NRIP1: variants seen among roughly 807,000 people sequenced by gnomAD.
NRIP1 encodes the protein nuclear receptor-interacting protein 1.
NRIP1 carries 28 observed loss-of-function variants against 75.0 expected under a neutral mutation model. The ratio of observed to expected loss-of-function variants is 0.37; its 90% CI spans 0.28 to 0.51. The LOEUF is 0.51. NRIP1 is among the 20% of genes least tolerant of loss of function. The pLI, the probability that NRIP1 is intolerant of heterozygous loss-of-function variation, is 0.92. For synonymous variants in NRIP1, 526 were observed against 487.6 expected (o/e 1.08, Z -1.04); for missense variants, 1,435 against 1,343.7 (o/e 1.07, Z -1.06).
chr21:15,048,334 G>A (rs1042463000), intron 1 of NRIP1, among the ~76,000 whole-genome samples: 7 of 152,148 alleles, frequency 4.6e-5, no homozygotes, highest in Non-Finnish European at 1.0e-4. Flanking sequence ...TCAAAGAGCA[G>A]TAAAGTGAAG....
rs1440645632 is a variant in NRIP1 at position 14,964,877 on chromosome 21, C to A, written c.3316G>T (p.Glu1106Ter). Residue 1106 changes from glutamate (E) to a stop codon, truncating the protein, a stop_gained, in exon 4 of 4, where the codon GAA becomes TAA. Coordinates refer to ENST00000318948, the MANE Select transcript of NRIP1 (RefSeq NM_003489.4). LOFTEE classifies it high-confidence loss of function. ...GTTTCTGCAGTAGGAAGTAACTCTT[C>A]TTTGGCTGTGACCTGTGAGACACTT... Reference protein sequence around the residue: ...AESVSQVTAKEELLPTAETKA... With the variant: ...AESVSQVTAK The A allele has an allele frequency of 6.2e-7, 1 of 1,613,288 alleles. No homozygotes were observed. Among genetic ancestry groups the A allele is most frequent in the Non-Finnish European group, 8.5e-7 (1 of 1,179,710 alleles).
rs1335186935 is a variant in NRIP1, at chr21:15,037,543, T to C, written c.-458+5952A>G. Among the ~76,000 whole-genome samples, 2 of 152,162 alleles carry C rather than the reference T, an allele frequency of 1.3e-5. 1 individual carries two copies. Among genetic ancestry groups the C allele is most frequent in the Non-Finnish European group, 2.9e-5 (2 of 68,008 alleles). ...GAAACGCTATGAAAAATAAAGGCAG[T>C]GTGAATGGCATTCATCAACCACTAG... On this transcript the variant is annotated intron_variant, in intron 2 of 3. Coordinates refer to ENST00000318948, the MANE Select transcript of NRIP1 (RefSeq NM_003489.4).
chr21:15,040,883 C>G (rs2088937582), intron 2 of NRIP1, among the ~76,000 whole-genome samples: 1 of 151,940 alleles, frequency 6.6e-6, no homozygotes, highest in Non-Finnish European at 1.5e-5. Flanking sequence ...ATTATAAAAC[C>G]TACCATTAAC....
At chr21:15,061,238 C>T (rs1387269204) in intron 1 of NRIP1, among the ~76,000 whole-genome samples, 2 of 152,210 alleles carry the variant, frequency 1.3e-5, no homozygotes, top group East Asian at 1.9e-4. Flanking sequence ...TTTGCTAGAA[C>T]GGCAAATGCT....
intron 3 of NRIP1, among the ~76,000 whole-genome samples, chr21:15,004,853 A>G (rs2087927914): frequency 6.6e-6 from 1 of 152,232 alleles, no homozygotes; most frequent in African/African-American, 2.4e-5. Context: ...AAAGTGAGGA[A>G]GAGAGAAGGT....
Position 14,966,823 on chromosome 21 carries a change from G to A in NRIP1, c.1370C>T (p.Pro457Leu), listed in dbSNP as rs747047446. The A allele has an allele frequency of 6.2e-7, 1 of 1,614,122 alleles. No homozygotes were observed. Among genetic ancestry groups the A allele is most frequent in the South Asian group, 1.1e-5 (1 of 91,084 alleles). ...TTGAGTGAAGTTATCCAGGGAAACA[G>A]GTTGGTCAGATTCTGATTTTTCAGT... ...HRTEKSESDQ[P>L]VSLDNFTQSL... is the part of the protein sequence containing the mutation. The change falls in exon 4 of 4, where the codon CCT becomes CTT. Residue 457 changes from proline (P) to leucine (L), a missense_variant. By Grantham distance (98) the Pro-to-Leu change is moderately conservative. Coordinates refer to ENST00000318948, the MANE Select transcript of NRIP1 (RefSeq NM_003489.4).
chr21:14,984,831 C>T lies in NRIP1; in HGVS notation c.-334-16305G>A, dbSNP rs550797788. Among the ~76,000 whole-genome samples the T allele has an allele frequency of 5.7e-4, 87 of 152,298 alleles. No individual in the cohort carries two copies. In the Middle Eastern group the frequency reaches 0.01, roughly 18 times the overall value. On this transcript the variant is annotated intron_variant, in intron 3 of 3. Coordinates refer to ENST00000318948, the MANE Select transcript of NRIP1 (RefSeq NM_003489.4). ...CATCAACATGGAGGCAAGGCCTCTA[C>T]CAGAAGAAAGATTATAGTTCTCTGA...
At chr21:14,976,259 T>C (rs1278322539) in intron 3 of NRIP1, among the ~76,000 whole-genome samples, 4 of 152,148 alleles carry the variant, frequency 2.6e-5, no homozygotes. Context: ...AAAATCATTG[T>C]GGTGAAAAAG....
In NRIP1 at chr21:14,965,151, G is replaced by A; in HGVS notation, c.3042C>T (p.Phe1014=). The A allele has an allele frequency of 6.2e-7, 1 of 1,612,978 alleles. No homozygotes were observed. Among genetic ancestry groups the A allele is most frequent in the Admixed American group, 1.7e-5 (1 of 59,932 alleles). ...GVVKTPVSPT[F]PEHLGCAGSR... is the part of the protein sequence containing the mutation. Reference sequence around the variant, plus strand: ...ACCCTGCACAGCCCAAGTGCTCAGGGAAAGTAGGACTCACAGGAGTTTTTA... The same window carrying A: ...ACCCTGCACAGCCCAAGTGCTCAGGAAAAGTAGGACTCACAGGAGTTTTTA... Residue 1014 remains phenylalanine, a synonymous_variant, in exon 4 of 4, where the codon TTC becomes TTT. Coordinates refer to ENST00000318948, the MANE Select transcript of NRIP1 (RefSeq NM_003489.4).
At chr21:15,021,819 T>C (rs761052032) in intron 2 of NRIP1, among the ~76,000 whole-genome samples, 1 of 152,128 alleles carries the variant, frequency 6.6e-6, no homozygotes, top group Middle Eastern at 3.4e-3. Flanking sequence ...ATTAGAGAAA[T>C]GCAAATCAAA....
rs555004923 is a variant in NRIP1 at position 15,015,939 on chromosome 21, TA to T, written c.-457-1474del. On this transcript the variant is annotated intron_variant, in intron 2 of 3. Transcript: ENST00000318948. ...AATTTTCCACTCCCTAATACAAGTA[TA>T]AAACTCCTAAGAGGCAGTGCACAAT... Among the ~76,000 whole-genome samples the T allele has an allele frequency of 6.7e-3, 1,013 of 152,242 alleles. 8 individuals are homozygous for T. The highest frequency in any genetic ancestry group is 0.023 in the African/African-American group (946 of 41,534).
Position 14,964,069 on chromosome 21 carries a change from T to C in NRIP1, c.*647A>G, listed in dbSNP as rs1342477601. 6 of 152,556 alleles carry C rather than the reference T, an allele frequency of 3.9e-5. No individual in the cohort carries two copies. Among genetic ancestry groups the C allele is most frequent in the Non-Finnish European group, 7.4e-5 (5 of 67,994 alleles). The allele number at this position is 152,556 out of a possible 1,614,324, so 9.5% of individuals were successfully genotyped here. ...ACTTCCCTCAATTGTAATCAATTTT[T>C]ACTAAGTAGCACAAGGTTTAAAGAA... On this transcript the variant is annotated 3_prime_UTR_variant, in exon 4 of 4. Transcript: ENST00000318948.
At chr21:15,025,186 G>A (rs2088487178) in intron 2 of NRIP1, among the ~76,000 whole-genome samples, 1 of 152,116 alleles carries the variant, frequency 6.6e-6, no homozygotes, top group African/African-American at 2.4e-5. Flanking sequence ...AAACTAAGGG[G>A]CAGGGTGAGG....
intron 2 of NRIP1, among the ~76,000 whole-genome samples, chr21:15,020,365 G>A (rs1446087009): frequency 6.6e-6 from 1 of 152,116 alleles, no homozygotes; most frequent in African/African-American, 2.4e-5. Context: ...TTAATACATG[G>A]TGCGGTACAG....
rs896726815 is a variant in NRIP1, at chr21:14,965,152, A to C, written c.3041T>G (p.Phe1014Cys). The C allele has an allele frequency of 3.7e-6, 6 of 1,612,952 alleles. No homozygotes were observed. The highest frequency in any genetic ancestry group is 1.3e-5 in the African/African-American group (1 of 74,910). The change falls in exon 4 of 4, where the codon TTC (phenylalanine) becomes TGC (cysteine). Residue 1014 changes from phenylalanine (F) to cysteine (C), a missense_variant. By Grantham distance (205) the Phe-to-Cys change is radical. Transcript: ENST00000318948. ...GVVKTPVSPT[F>C]PEHLGCAGSR... ...CCCTGCACAGCCCAAGTGCTCAGGG[A>C]AAGTAGGACTCACAGGAGTTTTTAC...
At chr21:14,977,779 TTGAAGTATTATCTTTA>T (rs1441380797) in intron 3 of NRIP1, among the ~76,000 whole-genome samples, 1 of 152,216 alleles carries the variant, frequency 6.6e-6, no homozygotes, top group African/African-American at 2.4e-5. Context: ...ATAACTTTCT[TTGAAGTATTATCTTTA>T]TGAAAAGGTA....
chr21:15,038,672 A>G (rs903859143), intron 2 of NRIP1, among the ~76,000 whole-genome samples: 1 of 152,104 alleles, frequency 6.6e-6, no homozygotes, highest in African/African-American at 2.4e-5. Context: ...AACTACTTTC[A>G]AATTATTCAA....
At chr21:15,005,666 G>C (rs1316911854) in intron 3 of NRIP1, among the ~76,000 whole-genome samples, 1 of 152,206 alleles carries the variant, frequency 6.6e-6, no homozygotes, top group East Asian at 1.9e-4. Context: ...ATCTGTGCCA[G>C]TGTGAGAAGC....
At chr21:15,030,489 A>C (rs547318262) in intron 2 of NRIP1, among the ~76,000 whole-genome samples, 171 of 152,302 alleles carry the variant, frequency 1.1e-3, no homozygotes, top group Non-Finnish European at 2.1e-3. Context: ...TGACAATAAA[A>C]CAAGATATTT....
Sources: allele counts gnomAD v4.1 joint callset (sites outside exome capture counted in the v4.1 genomes callset), GRCh38; gene constraint gnomAD v4.1.1; transcripts MANE v1.5; gene names NCBI Gene and HGNC (gene_info 2026-07-23, HGNC 2026-07-21).